The following PPP2R2B variants were observed in gnomAD, a reference collection of about 807,000 sequenced individuals.
PPP2R2B encodes serine/threonine-protein phosphatase 2A 55 kDa regulatory subunit B beta isoform.
PPP2R2B carries 5 observed loss-of-function variants against 46.0 expected under a neutral mutation model. The ratio of observed to expected loss-of-function variants is 0.11; its 90% CI spans 0.06 to 0.23. The LOEUF is 0.23. Among genes scored for constraint, PPP2R2B ranks in the 10% least tolerant of loss-of-function variants. The probability of loss-of-function intolerance (pLI) is 1.00; values close to 1 mark genes in which losing one functional copy is unlikely to be tolerated. For synonymous variants in PPP2R2B, 215 were observed against 206.7 expected (o/e 1.04, Z -0.34); for missense variants, 367 against 575.0 (o/e 0.64, Z 3.70).
intron 2 of PPP2R2B, among the ~76,000 whole-genome samples, chr5:146,815,590 G>C (rs1209684383): frequency 6.6e-6 from 1 of 152,264 alleles, no homozygotes; most frequent in African/African-American, 2.4e-5. Context: ...TAATTGAGGA[G>C]TGAATGTTCT....
At chr5:146,615,311 A>G (rs1341631595) in intron 7 of PPP2R2B, among the ~76,000 whole-genome samples, 1 of 87,860 alleles carries the variant, frequency 1.1e-5, no homozygotes, top group Admixed American at 1.3e-4. Flanking sequence ...ATGAGATCAC[A>G]TGGACACAGG....
rs79382956 is a variant in PPP2R2B at position 146,924,558 on chromosome 5, G to A, written c.79+131107C>T. Among the ~76,000 whole-genome samples, 855 of 152,230 alleles carry A rather than the reference G, an allele frequency of 5.6e-3. 29 individuals are homozygous for A. In the East Asian group the frequency reaches 0.067, roughly 12 times the overall value. On this transcript the variant is annotated intron_variant, in intron 1 of 8. Coordinates refer to the PPP2R2B transcript ENST00000336640. ...GAGAGTGAGAAAATGGGATACAGTA[G>A]CCTCTTGCTTTTTATTAGGGCCAGC... is the stretch of plus-strand genomic sequence containing the variant.
At position 146,843,959 on chromosome 5, in the gene PPP2R2B, T is replaced by C. The variant is rs376343045; in HGVS notation, c.70+34043A>G. Among the ~76,000 whole-genome samples, 159 of 152,116 alleles carry C rather than the reference T, an allele frequency of 1.0e-3. 1 individual carries two copies. In the East Asian group the frequency reaches 0.018, roughly 17 times the overall value. ...AGCATGATTTATAGTCCTTTGTGTATATACCCAGTAATGGGATGGCTGGGT... is the reference window on the plus strand; with the variant it reads ...AGCATGATTTATAGTCCTTTGTGTACATACCCAGTAATGGGATGGCTGGGT... On this transcript the variant is annotated intron_variant, in intron 2 of 9. Transcript: ENST00000394411.
rs113512318 is a variant in PPP2R2B, at chr5:146,651,180, A to G, written c.448-456T>C. Reference sequence around the variant, plus strand: ...TTCATCTCATGGCTTTGGAAGCTATACCCCTTCCTGGCTTTGTCCTTAATC... The same window carrying G: ...TTCATCTCATGGCTTTGGAAGCTATGCCCCTTCCTGGCTTTGTCCTTAATC... On this transcript the variant is annotated intron_variant, in intron 5 of 9. Coordinates refer to ENST00000394411, the MANE Select transcript of PPP2R2B (RefSeq NM_181675.4). 1.3e-3 allele frequency among the ~76,000 whole-genome samples: 196 copies of G among 152,240 alleles called. 1 individual carries two copies. Among genetic ancestry groups the G allele is most frequent in the African/African-American group, 4.6e-3 (190 of 41,536 alleles).
chr5:146,752,366 A>C (rs1753608603), intron 2 of PPP2R2B, among the ~76,000 whole-genome samples: 1 of 152,148 alleles, frequency 6.6e-6, no homozygotes, highest in South Asian at 2.1e-4. Context: ...GTCTCCATCG[A>C]ATGTCTTCTC....
intron 2 of PPP2R2B, among the ~76,000 whole-genome samples, chr5:146,841,398 G>A (rs1258623608): frequency 6.6e-6 from 1 of 152,052 alleles, no homozygotes; most frequent in African/African-American, 2.4e-5. Context: ...ACACACAAAA[G>A]AAAGCAAAGA....
chr5:146,686,149 C>T (rs1482572946), intron 5 of PPP2R2B, among the ~76,000 whole-genome samples: 1 of 152,194 alleles, frequency 6.6e-6, no homozygotes, highest in Non-Finnish European at 1.5e-5. Context: ...TCTGTGTAAT[C>T]TGTTCACTTG....
At chr5:147,046,942 A>G (rs1756571895) in intron 1 of PPP2R2B, among the ~76,000 whole-genome samples, 1 of 152,150 alleles carries the variant, frequency 6.6e-6, no homozygotes, top group African/African-American at 2.4e-5. Context: ...TAATATGGGA[A>G]GATTTAAGAT....
intron 1 of PPP2R2B, among the ~76,000 whole-genome samples, chr5:146,955,750 T>A (rs531328537): frequency 6.6e-6 from 1 of 151,668 alleles, no homozygotes; most frequent in South Asian, 2.1e-4. Context: ...TAGGTTGTCA[T>A]TAACAATAGT....
At chr5:146,932,788 C>G (rs1384826646) in intron 1 of PPP2R2B, among the ~76,000 whole-genome samples, 1 of 152,102 alleles carries the variant, frequency 6.6e-6, no homozygotes, top group Non-Finnish European at 1.5e-5. Flanking sequence ...CATTTGTGAT[C>G]ATGATAAACA....
At position 146,792,833 on chromosome 5, in the gene PPP2R2B, G is replaced by A. The variant is rs917895590; in HGVS notation, c.70+85169C>T. Among the ~76,000 whole-genome samples, 5 of 152,126 alleles carry A rather than the reference G, an allele frequency of 3.3e-5. No individual in the cohort carries two copies. In the South Asian group the frequency reaches 8.3e-4, roughly 25 times the overall value. ...AGGAAGTGAGGTTAGAGAATAAACCGAAGGACAGATGATGTAGGGTCTTGC... is the reference window on the plus strand; with the variant it reads ...AGGAAGTGAGGTTAGAGAATAAACCAAAGGACAGATGATGTAGGGTCTTGC... On this transcript the variant is annotated intron_variant, in intron 2 of 9. Coordinates refer to ENST00000394411, the MANE Select transcript of PPP2R2B (RefSeq NM_181675.4).
At chr5:146,874,029 G>C (rs1034989007) in intron 2 of PPP2R2B, among the ~76,000 whole-genome samples, 9 of 152,066 alleles carry the variant, frequency 5.9e-5, no homozygotes, top group African/African-American at 2.2e-4. Context: ...CTTGTTAATT[G>C]CAAATTCATC....
intron 1 of PPP2R2B, among the ~76,000 whole-genome samples, chr5:146,952,334 A>G (rs1751653625): frequency 6.6e-6 from 1 of 152,156 alleles, no homozygotes; most frequent in Non-Finnish European, 1.5e-5. Flanking sequence ...TTGACAGACA[A>G]CAGCATCCTG....
intron 2 of PPP2R2B, among the ~76,000 whole-genome samples, chr5:146,800,381 C>T (rs1756788943): frequency 2.0e-5 from 3 of 152,028 alleles, no homozygotes. Context: ...TTAGGGGCAT[C>T]CCAGGCTGCT....
At chr5:146,871,493 A>AT (rs1336543434) in intron 2 of PPP2R2B, among the ~76,000 whole-genome samples, 5 of 152,246 alleles carry the variant, frequency 3.3e-5, no homozygotes, top group Admixed American at 6.5e-5. Context: ...TTCCATAAAC[A>AT]TTTTTTTCTG....
At chr5:146,802,919 T>A (rs1756952484) in intron 2 of PPP2R2B, among the ~76,000 whole-genome samples, 1 of 152,160 alleles carries the variant, frequency 6.6e-6, no homozygotes. Flanking sequence ...CTATTAGAAC[T>A]AAGCTTCGGA....
At position 146,814,286 on chromosome 5, in the gene PPP2R2B, C is replaced by T. The variant is rs117980625; in HGVS notation, c.70+63716G>A. Among the ~76,000 whole-genome samples, 30 of 151,018 alleles carry T rather than the reference C, an allele frequency of 2.0e-4. No individual in the cohort carries two copies. The East Asian group carries it at 3.1e-3, about 16-fold the overall frequency. On this transcript the variant is annotated intron_variant, in intron 2 of 9. Coordinates refer to ENST00000394411, the MANE Select transcript of PPP2R2B (RefSeq NM_181675.4). ...TTTCTAATTTGCCATCTTCTTCAAA[C>T]GCTGCTTTCTTCCCTTGTAGCTCTT...
intron 2 of PPP2R2B, among the ~76,000 whole-genome samples, chr5:147,078,314 C>A (rs1757855306): frequency 6.6e-6 from 1 of 152,116 alleles, no homozygotes; most frequent in South Asian, 2.1e-4. Flanking sequence ...AAACCTGCAA[C>A]TGGTAAGACC....
chr5:146,796,532 A>G (rs1006781943), intron 2 of PPP2R2B, among the ~76,000 whole-genome samples: 1 of 152,220 alleles, frequency 6.6e-6, no homozygotes, highest in African/African-American at 2.4e-5. Flanking sequence ...GGGGAAAGGT[A>G]AGGCAAATAA....
Sources: allele counts gnomAD v4.1 joint callset (sites outside exome capture counted in the v4.1 genomes callset), GRCh38; gene constraint gnomAD v4.1.1; transcripts MANE v1.5; gene names NCBI Gene and HGNC (gene_info 2026-07-23, HGNC 2026-07-21).